The following TTC39C variants were observed in gnomAD, a reference collection of about 807,000 sequenced individuals.
The protein encoded by TTC39C is tetratricopeptide repeat protein 39C.
Under a neutral mutation model 76.3 loss-of-function variants are expected in TTC39C, and 33 were observed. The observed-to-expected ratio is 0.43, with a 90% CI of 0.33 to 0.58. The LOEUF is 0.58. Ranked by LOEUF, TTC39C falls within the 20% of genes least tolerant of loss-of-function variation. The pLI is 0.04. For synonymous variants in TTC39C, 254 were observed against 260.6 expected, an observed-to-expected ratio of 0.97 and a Z score of 0.24; for missense variants, 595 against 701.4, an observed-to-expected ratio of 0.85 and a Z score of 1.71.
At chr18:24,039,105 C>G (rs1239979242) in intron 1 of TTC39C, among the ~76,000 whole-genome samples, 1 of 152,232 alleles carries the variant, frequency 6.6e-6, no homozygotes, top group Non-Finnish European at 1.5e-5. Context: ...CATCCTCATT[C>G]AGTCCCCCCA....
chr18:24,031,639 A>G (rs1428092037), intron 1 of TTC39C, among the ~76,000 whole-genome samples: 1 of 151,828 alleles, frequency 6.6e-6, no homozygotes, highest in Non-Finnish European at 1.5e-5. Context: ...CTCACCTCTC[A>G]CTTGGACACT....
At chr18:24,065,323 A>G (rs1437652882) in intron 2 of TTC39C, among the ~76,000 whole-genome samples, 1 of 152,238 alleles carries the variant, frequency 6.6e-6, no homozygotes, top group Non-Finnish European at 1.5e-5. Flanking sequence ...AGAACCAGGT[A>G]TCCCGCAGCA....
At chr18:24,001,951 G>C (rs2083316587) in intron 1 of TTC39C, among the ~76,000 whole-genome samples, 1 of 149,566 alleles carries the variant, frequency 6.7e-6, no homozygotes, top group African/African-American at 2.5e-5. Context: ...TCAGCCTCCC[G>C]AGTAGCTGGG....
At position 24,118,233 on chromosome 18, in the gene TTC39C, G is replaced by T. The variant is rs756341912; in HGVS notation, c.1186+1G>T. On this transcript the variant is annotated splice_donor_variant, in intron 8 of 13. Transcript: ENST00000317571. LOFTEE classifies it high-confidence loss of function. Reference sequence around the variant, plus strand: ...TGCTATTATGCCTACTTGACTGCAGGTGAGTCGCCCATGGTCCCTCAGTGT... The same window carrying T: ...TGCTATTATGCCTACTTGACTGCAGTTGAGTCGCCCATGGTCCCTCAGTGT... The T allele has an allele frequency of 6.2e-7, 1 of 1,611,454 alleles. No homozygotes were observed. Among genetic ancestry groups the T allele is most frequent in the South Asian group, 1.1e-5 (1 of 90,676 alleles).
rs562078671 is a variant in TTC39C at position 24,070,086 on chromosome 18, T to C, written c.460+815T>C. On this transcript the variant is annotated intron_variant, in intron 4 of 13. Transcript: ENST00000317571. Reference sequence around the variant, plus strand: ...ATAACATACTCTTTTCTTTCTAGCCTATCAGAAGCCGGTTTTTCCCCCTTT... The same window carrying C: ...ATAACATACTCTTTTCTTTCTAGCCCATCAGAAGCCGGTTTTTCCCCCTTT... Among the ~76,000 whole-genome samples, 30 of 152,358 alleles carry C rather than the reference T, an allele frequency of 2.0e-4. 1 individual carries two copies. The highest frequency in any genetic ancestry group is 1.8e-3 in the Admixed American group (27 of 15,302).
rs913395435 is a variant in TTC39C at position 24,098,659 on chromosome 18, G to A, written c.984+15578G>A. ...TCTTTTTCATCTCTTTTTAGATGGAGTCTCGCTCTATCACCCAGGCTGGAG... is the reference window on the plus strand; with the variant it reads ...TCTTTTTCATCTCTTTTTAGATGGAATCTCGCTCTATCACCCAGGCTGGAG... On this transcript the variant is annotated intron_variant, in intron 6 of 13. Coordinates refer to ENST00000317571, the MANE Select transcript of TTC39C (RefSeq NM_001135993.2). Among the ~76,000 whole-genome samples the A allele has an allele frequency of 4.7e-5, 7 of 149,478 alleles. No individual in the cohort carries two copies. In the Admixed American group the frequency reaches 4.7e-4, roughly 10 times the overall value.
chr18:24,115,627 C>T (rs1568443226), intron 7 of TTC39C, among the ~76,000 whole-genome samples: 1 of 152,214 alleles, frequency 6.6e-6, no homozygotes, highest in Non-Finnish European at 1.5e-5. Context: ...GCAGTTGACA[C>T]CTGTCAGTTT....
intron 5 of TTC39C, among the ~76,000 whole-genome samples, chr18:24,082,188 C>T (rs1230257518): frequency 6.6e-6 from 1 of 151,386 alleles, no homozygotes; most frequent in East Asian, 1.9e-4. Flanking sequence ...GTTTTGTTTA[C>T]CTAGTTTAAC....
intron 6 of TTC39C, among the ~76,000 whole-genome samples, chr18:24,104,890 A>C (rs571146945): frequency 2.6e-5 from 4 of 152,286 alleles, no homozygotes; most frequent in South Asian, 2.1e-4. Context: ...TGAATTCCAC[A>C]TCCCCAGTAG....
chr18:24,112,691 C>G (rs931627264), intron 6 of TTC39C, among the ~76,000 whole-genome samples: 1 of 151,904 alleles, frequency 6.6e-6, no homozygotes, highest in Non-Finnish European at 1.5e-5. Context: ...ATGGGGGACA[C>G]GGGGGGGAAC....
chr18:24,087,532 A>G (rs1433799458), intron 6 of TTC39C, among the ~76,000 whole-genome samples: 1 of 151,868 alleles, frequency 6.6e-6, no homozygotes, highest in Non-Finnish European at 1.5e-5. Flanking sequence ...TTTTCTATAA[A>G]GTTAATGAAC....
At chr18:24,032,521 G>C (rs9963549) in intron 1 of TTC39C, among the ~76,000 whole-genome samples, 152,279 of 152,374 alleles carry the variant, frequency 1, 76,092 homozygotes, top group Middle Eastern at 1. Context: ...GAATGGGACC[G>C]AAGTCTAAAC....
At chr18:24,070,140 T>A (rs1460428109) in intron 4 of TTC39C, among the ~76,000 whole-genome samples, 1 of 152,196 alleles carries the variant, frequency 6.6e-6, no homozygotes, top group African/African-American at 2.4e-5. Context: ...TTTCTTTGTC[T>A]CTGTCTCGTA....
chr18:24,130,724 G>A (rs1429506676), intron 12 of TTC39C, among the ~76,000 whole-genome samples: 1 of 151,864 alleles, frequency 6.6e-6, no homozygotes, highest in Non-Finnish European at 1.5e-5. Flanking sequence ...ACAGACCTAG[G>A]TGGTATCACC....
At chr18:24,062,676 C>T (rs1012256029) in intron 1 of TTC39C, among the ~76,000 whole-genome samples, 1 of 152,060 alleles carries the variant, frequency 6.6e-6, no homozygotes, top group Non-Finnish European at 1.5e-5. Context: ...CTATTATTAA[C>T]TGTAGAATTT....
intron 3 of TTC39C, among the ~76,000 whole-genome samples, chr18:24,067,385 C>A (rs1786112): frequency 6.6e-6 from 1 of 152,170 alleles, no homozygotes; most frequent in Non-Finnish European, 1.5e-5. Flanking sequence ...TCCAGTCTCA[C>A]GGTTCTTTAA....
At chr18:24,130,834 GGTAA>G (rs910193249) in intron 12 of TTC39C, among the ~76,000 whole-genome samples, 2 of 151,468 alleles carry the variant, frequency 1.3e-5, no homozygotes, top group African/African-American at 4.9e-5. Context: ...GTAACACAAT[GGTAA>G]GTATTTGTGT....
At chr18:24,061,855 G>C (rs1163481075) in intron 1 of TTC39C, among the ~76,000 whole-genome samples, 3 of 152,212 alleles carry the variant, frequency 2.0e-5, no homozygotes, top group Non-Finnish European at 4.4e-5. Context: ...AGTGAGCCAA[G>C]ATTGCACAAT....
intron 6 of TTC39C, among the ~76,000 whole-genome samples, chr18:24,105,109 G>A (rs1240150008): frequency 2.0e-5 from 3 of 151,472 alleles, no homozygotes; most frequent in Admixed American, 6.6e-5. Flanking sequence ...AGCATCTTTA[G>A]TATAGAAAGA....
Sources: allele counts gnomAD v4.1 joint callset (sites outside exome capture counted in the v4.1 genomes callset), GRCh38; gene constraint gnomAD v4.1.1; transcripts MANE v1.5; gene names NCBI Gene and HGNC (gene_info 2026-07-23, HGNC 2026-07-21).